FHIT: variants seen among roughly 807,000 people sequenced by gnomAD.
The protein encoded by FHIT is bis(5'-adenosyl)-triphosphatase.
Under a neutral mutation model 17.9 loss-of-function variants are expected in FHIT, and 19 were observed. The ratio of observed to expected loss-of-function variants is 1.06; its 90% CI spans 0.74 to 1.56. The LOEUF is 1.56. Among genes scored for constraint, FHIT ranks in the 40% most tolerant of loss-of-function variants. FHIT has a pLI of 0.00. For synonymous variants in FHIT, 81 were observed against 69.7 expected (o/e 1.16, Z -0.81); for missense variants, 248 against 189.2 (o/e 1.31, Z -1.82).
intron 8 of FHIT, among the ~76,000 whole-genome samples, chr3:59,893,261 A>AC (rs1179952311): frequency 3.1e-4 from 47 of 152,214 alleles, no homozygotes; most frequent in African/African-American, 1.1e-3. Flanking sequence ...CAAGGTGTCA[A>AC]CTGGTGTTGC....
chr3:59,858,289 C>T (rs558346429), intron 8 of FHIT, among the ~76,000 whole-genome samples: 3 of 124,386 alleles, frequency 2.4e-5, no homozygotes, highest in African/African-American at 6.4e-5. Context: ...TGCAGTGGAG[C>T]GATCTCGGCT....
intron 7 of FHIT, among the ~76,000 whole-genome samples, chr3:59,983,389 G>A (rs2107441055): frequency 6.6e-6 from 1 of 152,160 alleles, no homozygotes; most frequent in East Asian, 1.9e-4. Flanking sequence ...AATCAACTAT[G>A]GCCTGAAAAT....
chr3:60,978,547 A>G lies in FHIT; in HGVS notation c.-111+63500T>C, dbSNP rs377392131. On this transcript the variant is annotated intron_variant, in intron 3 of 9. Transcript: ENST00000492590. ...ACATAGTCTGAAAAGCACTGGTTCTAGAATCAAACAAACTTGGGTTGGAAT... is the reference window on the plus strand; with the variant it reads ...ACATAGTCTGAAAAGCACTGGTTCTGGAATCAAACAAACTTGGGTTGGAAT... 9.2e-5 allele frequency among the ~76,000 whole-genome samples: 14 copies of G among 152,334 alleles called. No homozygotes were observed. The South Asian group carries it at 2.3e-3, about 25-fold the overall frequency.
At chr3:60,926,591 A>G (rs1370639404) in intron 3 of FHIT, among the ~76,000 whole-genome samples, 1 of 152,258 alleles carries the variant, frequency 6.6e-6, no homozygotes, top group Non-Finnish European at 1.5e-5. Context: ...CTAAATGCCC[A>G]CAAGAGAAAT....
intron 4 of FHIT, among the ~76,000 whole-genome samples, chr3:60,555,569 G>A (rs879523969): frequency 6.6e-6 from 1 of 152,138 alleles, no homozygotes; most frequent in Non-Finnish European, 1.5e-5. Flanking sequence ...GCAGCTCTTA[G>A]AATGACAATG....
chr3:60,726,719 T>C (rs2041923335), intron 4 of FHIT, among the ~76,000 whole-genome samples: 1 of 152,204 alleles, frequency 6.6e-6, no homozygotes, highest in Non-Finnish European at 1.5e-5. Context: ...AGATGACAAC[T>C]AATTTATTTA....
intron 5 of FHIT, among the ~76,000 whole-genome samples, chr3:60,423,401 A>G (rs1295326293): frequency 6.6e-6 from 1 of 152,156 alleles, no homozygotes; most frequent in Non-Finnish European, 1.5e-5. Context: ...AGTCAAAAAC[A>G]GAGCGTGAGA....
intron 3 of FHIT, among the ~76,000 whole-genome samples, chr3:60,911,371 G>A (rs1575677635): frequency 6.7e-6 from 1 of 148,954 alleles, no homozygotes; most frequent in Non-Finnish European, 1.5e-5. Context: ...TTCTTTGCAT[G>A]CACACACACA....
intron 5 of FHIT, among the ~76,000 whole-genome samples, chr3:60,454,866 G>A (rs923864266): frequency 1.2e-4 from 18 of 151,934 alleles, no homozygotes; most frequent in Admixed American, 5.9e-4. Flanking sequence ...TAAGGAAACT[G>A]AGGCACAGAG....
intron 5 of FHIT, among the ~76,000 whole-genome samples, chr3:60,258,979 C>A (rs530899191): frequency 6.7e-6 from 1 of 150,324 alleles, no homozygotes; most frequent in Non-Finnish European, 1.5e-5. Flanking sequence ...TAAAAGAGAT[C>A]TTCCTGCTTC....
chr3:60,512,683 G>A (rs1462290381), intron 5 of FHIT, among the ~76,000 whole-genome samples: 1 of 152,188 alleles, frequency 6.6e-6, no homozygotes, highest in Admixed American at 6.5e-5. Flanking sequence ...ATGTACTGAT[G>A]CAGAGGCAAG....
At chr3:60,448,970 G>A (rs1458626794) in intron 5 of FHIT, among the ~76,000 whole-genome samples, 1 of 152,030 alleles carries the variant, frequency 6.6e-6, no homozygotes, top group Non-Finnish European at 1.5e-5. Flanking sequence ...CAAGTAATTC[G>A]GTAGGTTTGG....
intron 4 of FHIT, among the ~76,000 whole-genome samples, chr3:60,564,888 CTAAT>C (rs2037078338): frequency 6.6e-6 from 1 of 152,232 alleles, no homozygotes; most frequent in African/African-American, 2.4e-5. Context: ...ACGATTAACT[CTAAT>C]TTTAAAATAA....
rs367764148 is a variant in FHIT at position 60,860,753 on chromosome 3, G to C, written c.-110-38742C>G. 6.5e-4 allele frequency among the ~76,000 whole-genome samples: 2 copies of C among 3,062 alleles called. 1 individual carries two copies. Among genetic ancestry groups the C allele is most frequent in the Non-Finnish European group, 3.8e-3 (2 of 530 alleles). The allele number at this position is 3,062 out of a possible 152,430, so 2.0% of individuals were successfully genotyped here. On this transcript the variant is annotated intron_variant, in intron 3 of 9. Transcript: ENST00000492590. ...ATGTACATATGTTCATATATATCAGGTATATATGATACATATGTATCATAT... is the reference window on the plus strand; with the variant it reads ...ATGTACATATGTTCATATATATCAGCTATATATGATACATATGTATCATAT...
chr3:59,920,887 T>C (rs914480679), intron 8 of FHIT, among the ~76,000 whole-genome samples: 2 of 152,200 alleles, frequency 1.3e-5, no homozygotes, highest in African/African-American at 4.8e-5. Flanking sequence ...AATGGCTTTG[T>C]AAAACCCAGA....
At chr3:60,788,602 G>C (rs1280756732) in intron 4 of FHIT, among the ~76,000 whole-genome samples, 3 of 152,160 alleles carry the variant, frequency 2.0e-5, no homozygotes, top group African/African-American at 7.2e-5. Flanking sequence ...TTGCCACAAA[G>C]GGAGGTATGT....
intron 7 of FHIT, among the ~76,000 whole-genome samples, chr3:59,992,363 G>A (rs1201974393): frequency 2.0e-5 from 3 of 152,068 alleles, no homozygotes; most frequent in Non-Finnish European, 4.4e-5. Context: ...GGGGTCTATA[G>A]ATGCCCGTTT....
intron 3 of FHIT, among the ~76,000 whole-genome samples, chr3:60,863,060 A>G (rs1288406197): frequency 6.6e-6 from 1 of 152,164 alleles, no homozygotes; most frequent in African/African-American, 2.4e-5. Flanking sequence ...AGTCAGAGTG[A>G]GAAAGCAGAA....
intron 3 of FHIT, among the ~76,000 whole-genome samples, chr3:61,016,842 G>T (rs192637863): frequency 9.8e-5 from 15 of 152,308 alleles, no homozygotes; most frequent in African/African-American, 3.4e-4. Flanking sequence ...TATCTGTTCT[G>T]AAAGTCTGCA....
Sources: gnomAD v4.1 joint callset for allele counts (sites outside exome capture counted in the v4.1 genomes callset) on GRCh38, gnomAD v4.1.1 for gene constraint, MANE v1.5 for transcripts, NCBI Gene and HGNC (gene_info 2026-07-23, HGNC 2026-07-21) for gene names.